ATG5: variants seen among roughly 807,000 people sequenced by gnomAD.
ATG5 encodes autophagy related 5, also known as autophagy protein 5.
Under a neutral mutation model 36.5 loss-of-function variants are expected in ATG5, and 14 were observed. That is an observed-to-expected ratio of 0.38 (90% CI 0.25 to 0.60). The LOEUF (loss-of-function observed/expected upper bound fraction) is 0.60, where lower values mean the gene tolerates loss of function less well. Among genes scored for constraint, ATG5 ranks in the 20% least tolerant of loss-of-function variants. ATG5 has a pLI of 0.60. For missense variants in ATG5, 195 were observed against 326.7 expected, an observed-to-expected ratio of 0.60 and a Z score of 3.11; for synonymous variants, 95 against 101.5, an observed-to-expected ratio of 0.94 and a Z score of 0.38.
intron 4 of ATG5, among the ~76,000 whole-genome samples, chr6:106,286,276 C>T (rs1036228518): frequency 1.3e-5 from 2 of 152,042 alleles, no homozygotes; most frequent in Non-Finnish European, 2.9e-5. Flanking sequence ...CTCCACTCTC[C>T]GTACCACCGT....
intron 5 of ATG5, among the ~76,000 whole-genome samples, chr6:106,257,806 T>C (rs1778856586): frequency 6.6e-6 from 1 of 152,222 alleles, no homozygotes; most frequent in Admixed American, 6.5e-5. Flanking sequence ...GTTCCCAATT[T>C]GCAAACAGTT....
chr6:106,198,368 T>C (rs1582537054), intron 7 of ATG5, among the ~76,000 whole-genome samples: 1 of 152,314 alleles, frequency 6.6e-6, no homozygotes, highest in East Asian at 1.9e-4. Context: ...TTAAAATATG[T>C]AAATGTATTG....
chr6:106,264,782 C>T (rs963210393), intron 5 of ATG5, among the ~76,000 whole-genome samples: 1 of 152,070 alleles, frequency 6.6e-6, no homozygotes, highest in Non-Finnish European at 1.5e-5. Flanking sequence ...CCTTTAGAGA[C>T]AAGCAAATGC....
intron 5 of ATG5, among the ~76,000 whole-genome samples, chr6:106,266,160 G>A (rs1187218673): frequency 3.3e-5 from 5 of 151,940 alleles, no homozygotes; most frequent in African/African-American, 1.2e-4. Flanking sequence ...AATGATAAAG[G>A]GGATATCATC....
intron 7 of ATG5, among the ~76,000 whole-genome samples, chr6:106,188,368 C>T (rs183235466): frequency 7.2e-5 from 11 of 152,190 alleles, no homozygotes; most frequent in Admixed American, 6.5e-4. Context: ...TCCTACTTAG[C>T]ACTGAGTCAA....
At chr6:106,283,812 C>T (rs1000822884) in intron 4 of ATG5, 23 of 152,222 alleles carry the variant, frequency 1.5e-4, no homozygotes, top group Admixed American at 5.2e-4. Context: ...TACTTATCAA[C>T]AGCTATTCAT....
chr6:106,275,693 T>C (rs755407222), intron 5 of ATG5, among the ~76,000 whole-genome samples: 2 of 152,234 alleles, frequency 1.3e-5, no homozygotes, highest in Non-Finnish European at 2.9e-5. Context: ...CAAAAAATTG[T>C]AATAAATGCA....
intron 7 of ATG5, among the ~76,000 whole-genome samples, chr6:106,199,392 A>G (rs1776331479): frequency 6.6e-6 from 1 of 152,214 alleles, no homozygotes; most frequent in Non-Finnish European, 1.5e-5. Flanking sequence ...CACCAATCAA[A>G]CTATGGACAC....
At chr6:106,256,616 A>G (rs957687999) in intron 5 of ATG5, among the ~76,000 whole-genome samples, 2 of 152,198 alleles carry the variant, frequency 1.3e-5, no homozygotes, top group East Asian at 1.9e-4. Context: ...ACAGATTACT[A>G]CACAACTAGG....
intron 4 of ATG5, among the ~76,000 whole-genome samples, chr6:106,284,353 G>A (rs1452837372): frequency 1.3e-5 from 2 of 151,744 alleles, no homozygotes; most frequent in African/African-American, 4.9e-5. Flanking sequence ...ACTGTTTTCT[G>A]TATTTTGTTG....
chr6:106,243,568 C>A (rs1447790755), intron 6 of ATG5, among the ~76,000 whole-genome samples: 4 of 147,238 alleles, frequency 2.7e-5, no homozygotes, highest in Non-Finnish European at 5.9e-5. Context: ...CAGTGGCTCA[C>A]ACTTGTAATT....
chr6:106,229,617 T>C (rs1211934152), intron 6 of ATG5, among the ~76,000 whole-genome samples: 2 of 152,210 alleles, frequency 1.3e-5, no homozygotes, highest in Non-Finnish European at 2.9e-5. Flanking sequence ...AAACCTATAA[T>C]TGATAATTGA....
Position 106,245,157 on chromosome 6 carries a change from T to C in ATG5, c.573+2993A>G, listed in dbSNP as rs1193046340. 3.9e-5 allele frequency among the ~76,000 whole-genome samples: 6 copies of C among 152,224 alleles called. No homozygotes were observed. The East Asian group carries it at 5.8e-4, about 15-fold the overall frequency. ...AAATGACAGAAATGACACATTTTGG[T>C]CTGCAACATCTCTAGATGGCTTTTG... On this transcript the variant is annotated intron_variant, in intron 6 of 7. Transcript: ENST00000369076.
chr6:106,314,349 G>T (rs1222159801), intron 2 of ATG5, among the ~76,000 whole-genome samples: 1 of 152,166 alleles, frequency 6.6e-6, no homozygotes, highest in Non-Finnish European at 1.5e-5. Context: ...TTAAGGTCAG[G>T]AGTTTGAGAC....
chr6:106,209,403 T>TA (rs1776769369), intron 6 of ATG5, among the ~76,000 whole-genome samples: 1 of 152,152 alleles, frequency 6.6e-6, no homozygotes, highest in Non-Finnish European at 1.5e-5. Context: ...TCAAGGGAGT[T>TA]ATGTTATGTG....
chr6:106,290,972 T>C (rs1220808158), intron 4 of ATG5, among the ~76,000 whole-genome samples: 1 of 152,248 alleles, frequency 6.6e-6, no homozygotes, highest in Non-Finnish European at 1.5e-5. Flanking sequence ...TATCACTTGT[T>C]TTCCCTGCAG....
At chr6:106,290,452 C>G (rs1780260810) in intron 4 of ATG5, among the ~76,000 whole-genome samples, 1 of 151,988 alleles carries the variant, frequency 6.6e-6, no homozygotes, top group Non-Finnish European at 1.5e-5. Context: ...TCCCAAGTAG[C>G]TAGGACTACA....
chr6:106,186,755 C>G, intron 7 of ATG5, 79 bp from the exon 8 acceptor site: 1 of 1,484,204 alleles, frequency 6.7e-7, no homozygotes, highest in Non-Finnish European at 9.2e-7. Flanking sequence ...TTTGAGAATC[C>G]TTAGTGCATT....
chr6:106,229,449 GAC>G (rs1448679367), intron 6 of ATG5, among the ~76,000 whole-genome samples: 1 of 151,934 alleles, frequency 6.6e-6, no homozygotes. Flanking sequence ...GAGAGAGAGA[GAC>G]AGGGAGGACA....
Sources: gnomAD v4.1 joint callset for allele counts (sites outside exome capture counted in the v4.1 genomes callset) on GRCh38, gnomAD v4.1.1 for gene constraint, MANE v1.5 for transcripts, NCBI Gene and HGNC (gene_info 2026-07-23, HGNC 2026-07-21) for gene names.